Variants in PTPRS observed in about 807,000 individuals in gnomAD.
PTPRS encodes receptor-type tyrosine-protein phosphatase S.
Under a neutral mutation model 215.3 loss-of-function variants are expected in PTPRS, and 63 were observed. The ratio of observed to expected loss-of-function variants is 0.29; its 90% CI spans 0.24 to 0.36. PTPRS has a LOEUF of 0.36. Ranked by LOEUF, PTPRS falls within the 10% of genes least tolerant of loss-of-function variation. The pLI is 1.00. For synonymous variants in PTPRS, 1,404 were observed against 1,191.4 expected (o/e 1.18, Z -3.68); for missense variants, 2,258 against 2,825.8 (o/e 0.80, Z 4.56).
intron 1 of PTPRS, among the ~76,000 whole-genome samples, chr19:5,326,651 A>G (rs2050174805): frequency 6.6e-6 from 1 of 151,736 alleles, no homozygotes; most frequent in Non-Finnish European, 1.5e-5. Flanking sequence ...GTGCCACTGC[A>G]CTCCAGCCTG....
chr19:5,222,219 G>C lies in PTPRS; in HGVS notation c.3105C>G (p.Val1035=). 1.9e-6 allele frequency: 3 copies of C among 1,613,246 alleles called. No homozygotes were observed. The highest frequency in any genetic ancestry group is 2.2e-5 in the East Asian group (1 of 44,872). ...TTTTCACCTTGAAGTTCTTGGGCGA[G>C]ACTGCCGGGGAGGCGGCCGAGCAGG... ...VRYRTFLRDQ[V]SPKNFKVKMI... is the part of the protein sequence containing the mutation. Residue 1035 remains valine, a splice_region_variant and synonymous_variant, in exon 19 of 38, where the codon GTC becomes GTG. Transcript: ENST00000262963.
chr19:5,287,176 G>A lies in PTPRS; in HGVS notation c.-94-942C>T, dbSNP rs949376351. On this transcript the variant is annotated intron_variant, in intron 1 of 37. Transcript: ENST00000262963. The surrounding 1 kb of genome is among the most constrained non-coding windows in gnomAD (Gnocchi z 4.8). ...CCACCTCCAAGCCTTTGCTTCTGCT[G>A]TGCCCTCTGCCTGGAATGCTGTCCC... 6.6e-6 allele frequency among the ~76,000 whole-genome samples: 1 copy of A among 152,068 alleles called. No homozygotes were observed. Among genetic ancestry groups the A allele is most frequent in the Admixed American group, 6.5e-5 (1 of 15,274 alleles).
intron 1 of PTPRS, among the ~76,000 whole-genome samples, chr19:5,311,636 G>C (rs2049706028): frequency 6.6e-6 from 1 of 152,212 alleles, no homozygotes; most frequent in South Asian, 2.1e-4. Flanking sequence ...GAACATTCCT[G>C]TCTCATCAAA....
intron 3 of PTPRS, 135 bp from the exon 4 acceptor site, chr19:5,273,718 G>A: frequency 8.8e-7 from 1 of 1,129,980 alleles, no homozygotes; most frequent in Non-Finnish European, 1.2e-6. Context: ...GAGAATTGCT[G>A]CAGGCTGAAT....
intron 2 of PTPRS, among the ~76,000 whole-genome samples, chr19:5,284,023 C>T (rs967377755): frequency 5.3e-5 from 8 of 151,444 alleles, no homozygotes; most frequent in East Asian, 2.0e-4. Flanking sequence ...GAGACCAGTC[C>T]GGGCAACACA....
At chr19:5,216,456 G>A (rs1305875332) in intron 26 of PTPRS, among the ~76,000 whole-genome samples, 2 of 152,054 alleles carry the variant, frequency 1.3e-5, no homozygotes, top group African/African-American at 4.8e-5. Flanking sequence ...TGCCTGTCCT[G>A]TGGGCACGTC....
At chr19:5,300,098 G>A (rs1480233676) in intron 1 of PTPRS, among the ~76,000 whole-genome samples, 1 of 151,772 alleles carries the variant, frequency 6.6e-6, no homozygotes, top group Non-Finnish European at 1.5e-5. Context: ...AAAATTAGCT[G>A]AGTGTGGTGG....
At chr19:5,327,067 C>T (rs1353234774) in intron 1 of PTPRS, among the ~76,000 whole-genome samples, 1 of 152,190 alleles carries the variant, frequency 6.6e-6, no homozygotes, top group Non-Finnish European at 1.5e-5. Flanking sequence ...AGGGTAGCCC[C>T]GCTCGCACTC....
intron 5 of PTPRS, among the ~76,000 whole-genome samples, chr19:5,264,397 G>A (rs543028747): frequency 6.6e-6 from 1 of 152,254 alleles, no homozygotes; most frequent in African/African-American, 2.4e-5. Context: ...GTCTCCCCTT[G>A]TCACCCTCCA....
chr19:5,299,656 G>C (rs1240422286), intron 1 of PTPRS, among the ~76,000 whole-genome samples: 1 of 152,186 alleles, frequency 6.6e-6, no homozygotes, highest in East Asian at 1.9e-4. Flanking sequence ...TGGATCTTCT[G>C]AGGTCAGGAG....
intron 9 of PTPRS, among the ~76,000 whole-genome samples, chr19:5,252,873 CAAAAAAAAAA>C (rs769636796): frequency 2.0e-4 from 9 of 45,668 alleles, no homozygotes; most frequent in South Asian, 7.9e-4. Flanking sequence ...AACTCCATCT[CAAAAAAAAAA>C]AAAAAAAAAA....
At chr19:5,252,950 T>G (rs1256809113) in intron 9 of PTPRS, among the ~76,000 whole-genome samples, 8 of 151,510 alleles carry the variant, frequency 5.3e-5, no homozygotes, top group Admixed American at 5.3e-4. Flanking sequence ...CAAGTTCCCC[T>G]GGCATCAGAG....
At position 5,339,883 on chromosome 19, in the gene PTPRS, T is replaced by C. The variant is rs2050632123; in HGVS notation, c.-95+781A>G. ...CAGCGCGGAGGGGAGACTGGGGTGC[T>C]GGGCGTGCGCGTCTGCCTGCCAGAG... On this transcript the variant is annotated intron_variant, in intron 1 of 37. Coordinates refer to ENST00000262963, the MANE Select transcript of PTPRS (RefSeq NM_002850.4). The surrounding 1 kb of genome is among the most constrained non-coding windows in gnomAD (Gnocchi z 4.2). 6.6e-6 allele frequency among the ~76,000 whole-genome samples: 1 copy of C among 151,356 alleles called. No homozygotes were observed. Among genetic ancestry groups the C allele is most frequent in the African/African-American group, 2.4e-5 (1 of 41,246 alleles).
intron 32 of PTPRS, 73 bp downstream of exon 32, chr19:5,211,892 G>T: frequency 6.4e-7 from 1 of 1,554,416 alleles, no homozygotes; most frequent in South Asian, 1.2e-5. Context: ...CCCATTGCTC[G>T]AGGCGGGCCT....
At chr19:5,215,201 G>C in intron 28 of PTPRS, 88 bp downstream of exon 28, 2 of 1,548,556 alleles carry the variant, frequency 1.3e-6, no homozygotes, top group South Asian at 1.2e-5. Flanking sequence ...ACCAGAATCA[G>C]GCCTCAGTGG....
In PTPRS at chr19:5,217,973, C is replaced by T. The variant is rs1341161135; in HGVS notation, c.4048+447G>A. 2.0e-5 allele frequency among the ~76,000 whole-genome samples: 3 copies of T among 151,984 alleles called. No individual in the cohort carries two copies. In the East Asian group the frequency reaches 5.8e-4, roughly 29 times the overall value. On this transcript the variant is annotated intron_variant, in intron 25 of 37. Transcript: ENST00000262963. ...GTGGGAAGAGGTACAGGGCATTGGG[C>T]AGGTATAATTTCTGTACCTTGCTAG...
intron 2 of PTPRS, chr19:5,278,063 C>G: frequency 2.9e-6 from 3 of 1,043,416 alleles, no homozygotes; most frequent in Non-Finnish European, 4.3e-6. Context: ...GCAAAACCAA[C>G]GTGGAAAGGG....
In PTPRS at chr19:5,338,457, C is replaced by T. The variant is rs902737703; in HGVS notation, c.-95+2207G>A. On this transcript the variant is annotated intron_variant, in intron 1 of 37. Coordinates refer to ENST00000262963, the MANE Select transcript of PTPRS (RefSeq NM_002850.4). The surrounding 1 kb of genome is among the most constrained non-coding windows in gnomAD (Gnocchi z 4.2). ...TCCCGGAGGGAAATAATGAAGACTC[C>T]GCCAGCCTGCCAGCCAGAAAGAGAT... Among the ~76,000 whole-genome samples, 2 of 152,072 alleles carry T rather than the reference C, an allele frequency of 1.3e-5. No individual in the cohort carries two copies. Among genetic ancestry groups the T allele is most frequent in the Admixed American group, 6.5e-5 (1 of 15,274 alleles).
intron 2 of PTPRS, among the ~76,000 whole-genome samples, chr19:5,282,904 G>A (rs570884353): frequency 1.3e-5 from 2 of 152,162 alleles, no homozygotes; most frequent in Non-Finnish European, 2.9e-5. Flanking sequence ...TGAAAATCAC[G>A]CAGGCTGGAT....
Sources: allele counts gnomAD v4.1 joint callset (sites outside exome capture counted in the v4.1 genomes callset), GRCh38; gene constraint gnomAD v4.1.1; non-coding constraint Gnocchi (gnomAD v3.1); transcripts MANE v1.5; gene names NCBI Gene and HGNC (gene_info 2026-07-23, HGNC 2026-07-21).